Variants in TNIK observed in about 807,000 individuals in gnomAD.
TNIK encodes TRAF2 and NCK-interacting protein kinase.
In TNIK, 49 loss-of-function variants were observed where a neutral mutation model predicts 191.3. That is an observed-to-expected ratio of 0.26 (90% CI 0.20 to 0.32). The LOEUF is 0.32. Among genes scored for constraint, TNIK ranks in the 10% least tolerant of loss-of-function variants. The probability of loss-of-function intolerance (pLI) is 1.00; values close to 1 mark genes in which losing one functional copy is unlikely to be tolerated. For missense variants in TNIK, 1,155 were observed against 1,702.3 expected (o/e 0.68, Z 5.66); for synonymous variants, 594 against 600.9 (o/e 0.99, Z 0.17).
At chr3:171,064,065 G>A (rs1223094705) in intron 32 of TNIK, 101 bp from the exon 33 acceptor site, 1 of 1,115,042 alleles carries the variant, frequency 9.0e-7, no homozygotes, top group Non-Finnish European at 1.3e-6. Flanking sequence ...TCCTTGCCAT[G>A]TGTCAGGTCT....
chr3:171,166,552 A>G (rs1734643318), intron 10 of TNIK, among the ~76,000 whole-genome samples: 1 of 86,252 alleles, frequency 1.2e-5, no homozygotes, highest in South Asian at 4.5e-4. Flanking sequence ...AAGTGTGTTA[A>G]ATGACCTTCA....
intron 1 of TNIK, among the ~76,000 whole-genome samples, chr3:171,453,632 C>T (rs1231378680): frequency 6.6e-6 from 1 of 152,062 alleles, no homozygotes; most frequent in African/African-American, 2.4e-5. Context: ...ACTCACGTGG[C>T]TACAGTGTAC....
chr3:171,146,983 G>C (rs1403989885), intron 12 of TNIK, among the ~76,000 whole-genome samples: 1 of 151,740 alleles, frequency 6.6e-6, no homozygotes, highest in African/African-American at 2.4e-5. Flanking sequence ...TGAGGGTATA[G>C]ATTAAGTAAT....
intron 2 of TNIK, among the ~76,000 whole-genome samples, chr3:171,312,332 A>G (rs1461755253): frequency 2.0e-5 from 3 of 151,976 alleles, no homozygotes; most frequent in African/African-American, 7.2e-5. Flanking sequence ...TATTATTTTT[A>G]TATGAAAATA....
At chr3:171,362,403 C>A (rs1715116847) in intron 2 of TNIK, among the ~76,000 whole-genome samples, 1 of 151,240 alleles carries the variant, frequency 6.6e-6, no homozygotes, top group African/African-American at 2.4e-5. Flanking sequence ...ATGGCAAAAA[C>A]CACAATTATT....
At chr3:171,441,698 G>C (rs1410374246) in intron 1 of TNIK, among the ~76,000 whole-genome samples, 1 of 152,188 alleles carries the variant, frequency 6.6e-6, no homozygotes, top group Non-Finnish European at 1.5e-5. Context: ...AGGTCGTGTA[G>C]TAAGTTTAAC....
At chr3:171,102,907 A>ATT (rs1309584577) in intron 21 of TNIK, among the ~76,000 whole-genome samples, 1 of 152,216 alleles carries the variant, frequency 6.6e-6, no homozygotes, top group Admixed American at 6.5e-5. Flanking sequence ...AATACAACAA[A>ATT]ACATTGTTTC....
At chr3:171,091,890 G>T (rs1348193621) in intron 23 of TNIK, among the ~76,000 whole-genome samples, 1 of 151,820 alleles carries the variant, frequency 6.6e-6, no homozygotes, top group Admixed American at 6.6e-5. Flanking sequence ...AATATTTTGG[G>T]TTCCTTAATA....
At chr3:171,291,540 C>A (rs1022028084) in intron 2 of TNIK, among the ~76,000 whole-genome samples, 4 of 152,170 alleles carry the variant, frequency 2.6e-5, no homozygotes, top group Non-Finnish European at 5.9e-5. Context: ...TTCCCCCAAA[C>A]CTTCTAGAAC....
chr3:171,327,011 G>T (rs1484210019), intron 2 of TNIK, among the ~76,000 whole-genome samples: 1 of 152,148 alleles, frequency 6.6e-6, no homozygotes, highest in African/African-American at 2.4e-5. Flanking sequence ...AAGAAGCATT[G>T]TAAAACTGTT....
chr3:171,178,255 A>G (rs1256939977), intron 7 of TNIK, among the ~76,000 whole-genome samples: 2 of 152,260 alleles, frequency 1.3e-5, no homozygotes, highest in Non-Finnish European at 2.9e-5. Context: ...TGGTTTAACT[A>G]GAAAAACAGC....
chr3:171,116,106 T>C (rs1391995083), intron 18 of TNIK, among the ~76,000 whole-genome samples: 2 of 152,242 alleles, frequency 1.3e-5, no homozygotes, highest in Non-Finnish European at 2.9e-5. Context: ...CACATAGAAA[T>C]AGGGAAAACT....
chr3:171,188,599 C>T, intron 7 of TNIK, 103 bp downstream of exon 7: 1 of 1,420,766 alleles, frequency 7.0e-7, no homozygotes, highest in Non-Finnish European at 9.4e-7. Flanking sequence ...TTTCAGTTCT[C>T]CCTTTGGGTG....
At chr3:171,345,898 G>C (rs995389686) in intron 2 of TNIK, among the ~76,000 whole-genome samples, 2 of 152,146 alleles carry the variant, frequency 1.3e-5, no homozygotes, top group Non-Finnish European at 2.9e-5. Context: ...ACAAGGCACA[G>C]TCTAGTGAAA....
At chr3:171,384,870 C>A (rs1461334278) in intron 1 of TNIK, among the ~76,000 whole-genome samples, 1 of 152,244 alleles carries the variant, frequency 6.6e-6, no homozygotes, top group East Asian at 1.9e-4. Flanking sequence ...TATTTTTTAG[C>A]CTTTGGTGTC....
intron 1 of TNIK, among the ~76,000 whole-genome samples, chr3:171,427,289 G>A (rs1218869679): frequency 6.6e-6 from 1 of 152,060 alleles, no homozygotes; most frequent in Non-Finnish European, 1.5e-5. Flanking sequence ...TCAGAAAAAA[G>A]ATTTCCTCGC....
chr3:171,104,748 A>G (rs1314954837), intron 21 of TNIK, among the ~76,000 whole-genome samples: 1 of 152,080 alleles, frequency 6.6e-6, no homozygotes, highest in Non-Finnish European at 1.5e-5. Flanking sequence ...CTTTTTAGGA[A>G]CTCTAAAGAT....
Position 171,258,651 on chromosome 3 carries a change from C to T in TNIK, c.124-30430G>A, listed in dbSNP as rs1050423325. Among the ~76,000 whole-genome samples, 5 of 152,092 alleles carry T rather than the reference C, an allele frequency of 3.3e-5. No homozygotes were observed. In the East Asian group the frequency reaches 9.6e-4, roughly 29 times the overall value. On this transcript the variant is annotated intron_variant, in intron 2 of 32. Transcript: ENST00000436636. ...AAAATAGATAAAAAGGAAGCTCTTC[C>T]AAGTCAGGCCCAATTTAGGACTTCG...
intron 1 of TNIK, among the ~76,000 whole-genome samples, chr3:171,387,029 T>C (rs1466724853): frequency 6.6e-6 from 1 of 152,220 alleles, no homozygotes; most frequent in Non-Finnish European, 1.5e-5. Flanking sequence ...TTCTATTCCT[T>C]AAATAGAGAG....
Sources: gnomAD v4.1 joint callset for allele counts (sites outside exome capture counted in the v4.1 genomes callset) on GRCh38, gnomAD v4.1.1 for gene constraint, MANE v1.5 for transcripts, NCBI Gene and HGNC (gene_info 2026-07-23, HGNC 2026-07-21) for gene names.